PCDH9: variants seen among roughly 807,000 people sequenced by gnomAD.
PCDH9 encodes protocadherin 9, also known as protocadherin-9.
In PCDH9, 24 loss-of-function variants were observed where a neutral mutation model predicts 70.6. That is an observed-to-expected ratio of 0.34 (90% CI 0.25 to 0.48). The LOEUF (loss-of-function observed/expected upper bound fraction) is 0.48. PCDH9 is among the 20% of genes least tolerant of loss of function. The pLI, the probability that PCDH9 is intolerant of heterozygous loss-of-function variation, is 0.99. For synonymous variants in PCDH9, 562 were observed against 558.5 expected (o/e 1.01, Z -0.09); for missense variants, 1,281 against 1,503.6 (o/e 0.85, Z 2.45).
chr13:66,836,471 C>T (rs1205151474), intron 3 of PCDH9, among the ~76,000 whole-genome samples: 6 of 152,198 alleles, frequency 3.9e-5, no homozygotes, highest in Admixed American at 3.3e-4. Flanking sequence ...ACTTGACCCT[C>T]TTAATAATTC....
intron 2 of PCDH9, among the ~76,000 whole-genome samples, chr13:67,095,397 G>C (rs1427816422): frequency 6.6e-6 from 1 of 152,054 alleles, no homozygotes; most frequent in Non-Finnish European, 1.5e-5. Context: ...TTTTTAAAAA[G>C]TAATATATTT....
chr13:66,423,034 C>T (rs1957597134), intron 4 of PCDH9, among the ~76,000 whole-genome samples: 1 of 151,998 alleles, frequency 6.6e-6, no homozygotes, highest in African/African-American at 2.4e-5. Context: ...AACACCTCTA[C>T]ACAAAATAAA....
At chr13:66,629,643 T>C (rs543006311) in intron 4 of PCDH9, among the ~76,000 whole-genome samples, 2 of 152,316 alleles carry the variant, frequency 1.3e-5, no homozygotes, top group East Asian at 3.9e-4. Flanking sequence ...AATCAAAAGA[T>C]GCACTTATGT....
chr13:66,981,405 T>C (rs371169944), intron 2 of PCDH9, among the ~76,000 whole-genome samples: 1 of 140,172 alleles, frequency 7.1e-6, no homozygotes. Context: ...GCCACTGCAC[T>C]CCAGCCTGGG....
chr13:66,869,140 T>C (rs537639694), intron 3 of PCDH9, among the ~76,000 whole-genome samples: 1 of 152,162 alleles, frequency 6.6e-6, no homozygotes, highest in African/African-American at 2.4e-5. Flanking sequence ...AGACTGCCTA[T>C]AGTAAGATGT....
chr13:66,766,807 G>C (rs570494124), intron 3 of PCDH9, among the ~76,000 whole-genome samples: 1 of 152,120 alleles, frequency 6.6e-6, no homozygotes, highest in Admixed American at 6.6e-5. Context: ...AAAACAGCAA[G>C]CTCAAGTACA....
chr13:66,843,994 A>G (rs1365772802), intron 3 of PCDH9, among the ~76,000 whole-genome samples: 1 of 152,122 alleles, frequency 6.6e-6, no homozygotes, highest in Admixed American at 6.5e-5. Context: ...ATGTAGCAAT[A>G]CTTCACTTTC....
chr13:66,625,127 A>T (rs1045878775), intron 4 of PCDH9, among the ~76,000 whole-genome samples: 1 of 126,724 alleles, frequency 7.9e-6, no homozygotes, highest in African/African-American at 2.5e-5. Context: ...ATAATCGATC[A>T]CTATCAATGA....
chr13:66,373,270 A>C (rs1956691019), intron 4 of PCDH9, among the ~76,000 whole-genome samples: 1 of 152,048 alleles, frequency 6.6e-6, no homozygotes, highest in Non-Finnish European at 1.5e-5. Flanking sequence ...TGTGAAATCC[A>C]GAGTAATCCA....
At chr13:66,806,327 T>C (rs1320906490) in intron 3 of PCDH9, among the ~76,000 whole-genome samples, 1 of 152,098 alleles carries the variant, frequency 6.6e-6, no homozygotes, top group Non-Finnish European at 1.5e-5. Context: ...CCCCAGGTGG[T>C]ATAATCTAAT....
intron 3 of PCDH9, among the ~76,000 whole-genome samples, chr13:66,851,035 G>A (rs943493381): frequency 6.6e-6 from 1 of 152,148 alleles, no homozygotes; most frequent in African/African-American, 2.4e-5. Context: ...TAAACCAATA[G>A]AAATCTAGTT....
intron 3 of PCDH9, among the ~76,000 whole-genome samples, chr13:66,702,560 T>C (rs555405560): frequency 2.6e-4 from 40 of 152,294 alleles, no homozygotes; most frequent in Admixed American, 8.5e-4. Context: ...GCGTTGGTCT[T>C]AAATGTTCTC....
chr13:66,472,539 A>C (rs1155202), intron 4 of PCDH9, among the ~76,000 whole-genome samples: 146,703 of 152,208 alleles, frequency 0.96, 70,948 homozygotes, highest in Middle Eastern at 1. Flanking sequence ...CACTGCACCT[A>C]AGCCTGGGTG....
At chr13:67,111,626 C>CT (rs1245029629) in intron 2 of PCDH9, among the ~76,000 whole-genome samples, 2 of 152,140 alleles carry the variant, frequency 1.3e-5, no homozygotes, top group South Asian at 2.1e-4. Context: ...AAATTGACTA[C>CT]TTTTTTTGCC....
intron 2 of PCDH9, among the ~76,000 whole-genome samples, chr13:67,051,325 T>C (rs1004990129): frequency 1.1e-4 from 16 of 151,626 alleles, no homozygotes; most frequent in Admixed American, 9.8e-4. Flanking sequence ...GGGAGGTGGG[T>C]CTGCATGATC....
intron 3 of PCDH9, among the ~76,000 whole-genome samples, chr13:66,882,800 C>T (rs908347887): frequency 6.6e-6 from 1 of 152,148 alleles, no homozygotes; most frequent in Non-Finnish European, 1.5e-5. Context: ...ATATAAATCT[C>T]ATGAAACAAA....
intron 2 of PCDH9, among the ~76,000 whole-genome samples, chr13:66,963,649 T>G (rs2083385440): frequency 6.6e-6 from 1 of 152,230 alleles, no homozygotes; most frequent in Non-Finnish European, 1.5e-5. Context: ...TTATGTGATA[T>G]AATATTCAAA....
chr13:66,437,311 G>A (rs1161436634), intron 4 of PCDH9, among the ~76,000 whole-genome samples: 1 of 144,814 alleles, frequency 6.9e-6, no homozygotes, highest in Non-Finnish European at 1.5e-5. Context: ...GGAGGCTGAG[G>A]CAGGAGAATG....
intron 3 of PCDH9, among the ~76,000 whole-genome samples, chr13:66,846,988 A>G (rs1189008479): frequency 6.6e-6 from 1 of 152,102 alleles, no homozygotes; most frequent in African/African-American, 2.4e-5. Context: ...TTCAAAATTC[A>G]AATGAATGAT....
Sources: gnomAD v4.1 joint callset for allele counts (sites outside exome capture counted in the v4.1 genomes callset) on GRCh38, gnomAD v4.1.1 for gene constraint, MANE v1.5 for transcripts, NCBI Gene and HGNC (gene_info 2026-07-23, HGNC 2026-07-21) for gene names.